The following DTNB variants were observed in gnomAD, a reference collection of about 807,000 sequenced individuals.
DTNB encodes DTN-B.
In DTNB, 63 loss-of-function variants were observed where a neutral mutation model predicts 90.7. That is an observed-to-expected ratio of 0.69 (90% CI 0.57 to 0.86). DTNB has a LOEUF of 0.86. DTNB is among the 40% of genes least tolerant of loss of function. DTNB has a pLI of 0.00. For synonymous variants in DTNB, 277 were observed against 286.7 expected, an observed-to-expected ratio of 0.97 and a Z score of 0.34; for missense variants, 744 against 807.1, an observed-to-expected ratio of 0.92 and a Z score of 0.95.
chr2:25,467,586 G>A (rs1393793622), intron 10 of DTNB, among the ~76,000 whole-genome samples: 1 of 152,096 alleles, frequency 6.6e-6, no homozygotes, highest in African/African-American at 2.4e-5. Context: ...TTAGAGGTGT[G>A]AGCCACTAGC....
intron 20 of DTNB, among the ~76,000 whole-genome samples, chr2:25,378,099 G>A (rs556242975): frequency 6.6e-6 from 1 of 152,288 alleles, no homozygotes; most frequent in Admixed American, 6.5e-5. Flanking sequence ...GGCGGTGGGG[G>A]CACATGGCTC....
At position 25,384,136 on chromosome 2, in the gene DTNB, C is replaced by G. The variant is rs150351444; in HGVS notation, c.1826-247G>C. Among the ~76,000 whole-genome samples, 8 of 152,356 alleles carry G rather than the reference C, an allele frequency of 5.3e-5. No individual in the cohort carries two copies. The East Asian group carries it at 1.5e-3, about 29-fold the overall frequency. ...GCGGTCACATCGCTCACTTTCCTGA[C>G]CAGGGCTGGGGGCGTGCAGTGTGGG... On this transcript the variant is annotated intron_variant, in intron 18 of 20. Coordinates refer to ENST00000406818, the MANE Select transcript of DTNB (RefSeq NM_021907.5).
rs902633907 is a variant in DTNB, at chr2:25,634,639, G to C, written c.148+4375C>G. ...AGGGGGGAAAGGTGGGGAAAAGATT[G>C]AGAGGTTGGATGGTTGCCGTGTCTG... On this transcript the variant is annotated intron_variant, in intron 3 of 20. Coordinates refer to ENST00000406818, the MANE Select transcript of DTNB (RefSeq NM_021907.5). 6.0e-5 allele frequency among the ~76,000 whole-genome samples: 7 copies of C among 116,180 alleles called. 2 individuals carry two copies. The highest frequency in any genetic ancestry group is 2.8e-4 in the South Asian group (1 of 3,636). The allele number at this position is 116,180 out of a possible 152,430, so 76.2% of individuals were successfully genotyped here. A position where few individuals can be genotyped will look rare whatever the true frequency, so the allele number is the denominator to read the frequency against.
In DTNB at chr2:25,605,874, A is replaced by G. The variant is rs1461821842; in HGVS notation, c.448+1362T>C. On this transcript the variant is annotated intron_variant, in intron 5 of 20. Coordinates refer to ENST00000406818, the MANE Select transcript of DTNB (RefSeq NM_021907.5). ...AAAAATATAAAAGGAATTTCAGCCC[A>G]AAGAATATTTTGGGATATACCATGT... 2.6e-5 allele frequency among the ~76,000 whole-genome samples: 4 copies of G among 152,224 alleles called. No homozygotes were observed. In the East Asian group the frequency reaches 7.7e-4, roughly 29 times the overall value.
At chr2:25,501,529 G>A (rs2070710922) in intron 9 of DTNB, among the ~76,000 whole-genome samples, 1 of 152,184 alleles carries the variant, frequency 6.6e-6, no homozygotes, top group African/African-American at 2.4e-5. Context: ...ACAGGTGTGA[G>A]CCACCATGCC....
intron 9 of DTNB, among the ~76,000 whole-genome samples, chr2:25,530,971 A>G (rs1252078596): frequency 2.0e-5 from 3 of 152,238 alleles, no homozygotes; most frequent in Admixed American, 6.5e-5. Context: ...TAGCATGAAT[A>G]TTCAACTAAA....
At chr2:25,416,538 C>G (rs1017888335) in intron 16 of DTNB, among the ~76,000 whole-genome samples, 1 of 151,942 alleles carries the variant, frequency 6.6e-6, no homozygotes, top group Admixed American at 6.6e-5. Flanking sequence ...CCAGTGTGGG[C>G]GCCTGTAATA....
intron 16 of DTNB, among the ~76,000 whole-genome samples, chr2:25,418,421 C>T (rs1020248076): frequency 6.6e-6 from 1 of 152,182 alleles, no homozygotes; most frequent in East Asian, 1.9e-4. Flanking sequence ...AATGGGTAGG[C>T]TGGGCGTGGT....
chr2:25,602,976 G>C (rs2066222354), intron 5 of DTNB, among the ~76,000 whole-genome samples: 1 of 152,016 alleles, frequency 6.6e-6, no homozygotes, highest in South Asian at 2.1e-4. Flanking sequence ...AAAAAACTTG[G>C]GGTACACTTC....
chr2:25,388,464 T>G, intron 16 of DTNB, 103 bp from the exon 17 acceptor site: 2 of 1,408,754 alleles, frequency 1.4e-6, no homozygotes, highest in South Asian at 2.9e-5. Context: ...CCAGTGGGCC[T>G]CAGTTCAGTG....
At chr2:25,462,339 C>T (rs958755598) in intron 10 of DTNB, among the ~76,000 whole-genome samples, 11 of 151,786 alleles carry the variant, frequency 7.2e-5, no homozygotes, top group African/African-American at 2.4e-4. Flanking sequence ...TGAGCAATAG[C>T]GGGACAAGGT....
intron 8 of DTNB, among the ~76,000 whole-genome samples, chr2:25,555,053 T>C (rs1559010381): frequency 6.6e-6 from 1 of 152,008 alleles, no homozygotes; most frequent in Non-Finnish European, 1.5e-5. Flanking sequence ...TCCCAGCACT[T>C]TGGGAGGCCG....
chr2:25,563,536 A>G (rs986403780), intron 8 of DTNB, among the ~76,000 whole-genome samples: 2 of 152,176 alleles, frequency 1.3e-5, no homozygotes, highest in Non-Finnish European at 2.9e-5. Flanking sequence ...TCAAGGTCAT[A>G]AAGACTTACA....
At position 25,667,617 on chromosome 2, in the gene DTNB, TTA is replaced by T. The variant is rs1287940058; in HGVS notation, c.-2+5767_-2+5768del. On this transcript the variant is annotated intron_variant, in intron 1 of 20. Coordinates refer to ENST00000406818, the MANE Select transcript of DTNB (RefSeq NM_021907.5). ...AACTTTACAGAACAGTCTGACATAC[TTA>T]TTATATAAGTACATTTAGGGTACTT... Among the ~76,000 whole-genome samples the T allele has an allele frequency of 3.9e-5, 6 of 152,326 alleles. No homozygotes were observed. The East Asian group carries it at 1.2e-3, about 29-fold the overall frequency.
At chr2:25,470,759 A>T (rs1410892301) in intron 10 of DTNB, among the ~76,000 whole-genome samples, 1 of 152,194 alleles carries the variant, frequency 6.6e-6, no homozygotes, top group Non-Finnish European at 1.5e-5. Flanking sequence ...TTATATCAGT[A>T]TAACAGTACT....
intron 2 of DTNB, among the ~76,000 whole-genome samples, chr2:25,643,871 T>C (rs774503847): frequency 2.6e-5 from 4 of 152,088 alleles, no homozygotes; most frequent in East Asian, 1.9e-4. Flanking sequence ...CAGGATGAGA[T>C]AGGAGGTCAG....
chr2:25,572,654 T>C (rs2060055242), intron 8 of DTNB, among the ~76,000 whole-genome samples: 1 of 150,850 alleles, frequency 6.6e-6, no homozygotes, highest in Non-Finnish European at 1.5e-5. Flanking sequence ...TTCTCAGAGG[T>C]TTTTTGTTTT....
intron 1 of DTNB, among the ~76,000 whole-genome samples, chr2:25,671,275 G>A (rs965055709): frequency 2.0e-5 from 3 of 152,164 alleles, no homozygotes; most frequent in Admixed American, 2.0e-4. Flanking sequence ...AGGCTAATGG[G>A]GGGACTACTG....
chr2:25,381,306 T>G (rs2037687935), intron 19 of DTNB, among the ~76,000 whole-genome samples: 1 of 152,250 alleles, frequency 6.6e-6, no homozygotes, highest in African/African-American at 2.4e-5. Context: ...CTTGTCTGTG[T>G]GGGTAAGTCA....
Sources: allele counts gnomAD v4.1 joint callset (sites outside exome capture counted in the v4.1 genomes callset), GRCh38; gene constraint gnomAD v4.1.1; transcripts MANE v1.5; gene names NCBI Gene and HGNC (gene_info 2026-07-23, HGNC 2026-07-21).